Variants in FGF1 observed in about 807,000 individuals in gnomAD.
FGF1 encodes beta-endothelial cell growth factor.
FGF1 carries 9 observed loss-of-function variants against 13.4 expected under a neutral mutation model. That is an observed-to-expected ratio of 0.67 (90% confidence interval 0.40 to 1.17). The LOEUF is 1.17. FGF1 is among the 50% of genes most tolerant of loss of function. The pLI is 0.01. For missense variants in FGF1, 156 were observed against 192.7 expected (o/e 0.81, Z 1.13); for synonymous variants, 93 against 79.0 (o/e 1.18, Z -0.94).
At chr5:142,667,631 C>T (rs1398586242) in intron 1 of FGF1, among the ~76,000 whole-genome samples, 1 of 151,860 alleles carries the variant, frequency 6.6e-6, no homozygotes, top group East Asian at 1.9e-4. Context: ...GGAAAAATCG[C>T]CGGCTTTTAG....
At chr5:142,619,577 C>T (rs1443986387) in intron 1 of FGF1, among the ~76,000 whole-genome samples, 2 of 152,182 alleles carry the variant, frequency 1.3e-5, no homozygotes, top group African/African-American at 4.8e-5. Flanking sequence ...GTCCAAGCGG[C>T]AACTGGTAGG....
chr5:142,618,923 TG>T (rs59040394), intron 1 of FGF1, among the ~76,000 whole-genome samples: 5,165 of 109,536 alleles, frequency 0.047, 279 homozygotes, highest in Middle Eastern at 0.077. Context: ...ATTTTTTAGT[TG>T]TTTTGTTTTT....
chr5:142,667,352 C>T (rs568289645), intron 1 of FGF1, among the ~76,000 whole-genome samples: 8 of 150,840 alleles, frequency 5.3e-5, no homozygotes, highest in Middle Eastern at 3.5e-3. Flanking sequence ...TTTGGGAGGC[C>T]GAGGTGGGCG....
chr5:142,653,977 G>A (rs771525621), intron 1 of FGF1, among the ~76,000 whole-genome samples: 4 of 152,092 alleles, frequency 2.6e-5, no homozygotes, highest in South Asian at 2.1e-4. Context: ...CTGTAGTCCC[G>A]GCTACTCGGG....
chr5:142,611,063 G>T (rs911802363), intron 2 of FGF1, among the ~76,000 whole-genome samples: 5 of 152,192 alleles, frequency 3.3e-5, no homozygotes, highest in African/African-American at 1.2e-4. Context: ...GTCTTAACGT[G>T]TGACTCTGTC....
rs1343286807 is a variant in FGF1, at chr5:142,618,921, G to GTTTTTTTTTTTTTTTTT, written c.-34-4761_-34-4760insAAAAAAAAAAAAAAAAA. On this transcript the variant is annotated intron_variant, in intron 1 of 3. Coordinates refer to ENST00000337706, the MANE Select transcript of FGF1 (RefSeq NM_000800.5). ...GGCAAACACTGACATTTATTTTTTA[G>GTTTTTTTTTTTTTTTTT]TTGTTTTGTTTTTTTTTTTTTTTTT... 5.5e-5 allele frequency among the ~76,000 whole-genome samples: 6 copies of GTTTTTTTTTTTTTTTTT among 108,372 alleles called. 2 individuals are homozygous for GTTTTTTTTTTTTTTTTT. The highest frequency in any genetic ancestry group is 3.8e-4 in the East Asian group (1 of 2,662). 71.1% of individuals were successfully genotyped at this position (108,372 alleles called of 152,430 possible).
chr5:142,623,211 C>T (rs994745888), intron 1 of FGF1, among the ~76,000 whole-genome samples: 1 of 152,162 alleles, frequency 6.6e-6, no homozygotes, highest in African/African-American at 2.4e-5. Flanking sequence ...TCACAGTGCC[C>T]CAGTTTCCTC....
At chr5:142,689,132 T>C (rs1751728093), upstream of FGF1, among the ~76,000 whole-genome samples, 1 of 152,172 alleles carries the variant, frequency 6.6e-6, no homozygotes, top group African/African-American at 2.4e-5. Flanking sequence ...ATATTTGCCT[T>C]AAAAATTCCC....
chr5:142,678,321 A>C (rs1266387512), intron 1 of FGF1, among the ~76,000 whole-genome samples: 3 of 152,172 alleles, frequency 2.0e-5, no homozygotes. Flanking sequence ...TGGTAAAGGC[A>C]TGGCATTCGG....
chr5:142,606,460 C>CAA lies in FGF1; in HGVS notation c.170-5657_170-5656dup, dbSNP rs200473800. Among the ~76,000 whole-genome samples the CAA allele has an allele frequency of 3.0e-5, 4 of 134,134 alleles. No individual in the cohort carries two copies. The East Asian group carries it at 6.3e-4, about 21-fold the overall frequency. 88.0% of individuals were successfully genotyped at this position (134,134 alleles called of 152,430 possible). On this transcript the variant is annotated intron_variant, in intron 2 of 3. Coordinates refer to ENST00000337706, the MANE Select transcript of FGF1 (RefSeq NM_000800.5). ...TGAAACCCCGTCTCTACTAAAAATA[C>CAA]AAAAAAAAAAAAATTAGCCAGATGT...
intron 1 of FGF1, among the ~76,000 whole-genome samples, chr5:142,657,694 C>T (rs1768426282): frequency 1.3e-5 from 2 of 152,254 alleles, no homozygotes; most frequent in South Asian, 4.1e-4. Flanking sequence ...AGTGTCTGCC[C>T]AAGACTGGGT....
chr5:142,616,798 A>T (rs1760348755), intron 1 of FGF1, among the ~76,000 whole-genome samples: 1 of 152,212 alleles, frequency 6.6e-6, no homozygotes, highest in African/African-American at 2.4e-5. Context: ...CCTCTCTATT[A>T]GCACTCAACC....
intron 1 of FGF1, among the ~76,000 whole-genome samples, chr5:142,647,762 G>A (rs1201055121): frequency 6.6e-6 from 1 of 152,100 alleles, no homozygotes; most frequent in African/African-American, 2.4e-5. Context: ...TTCCACATGT[G>A]GCATCATGTC....
chr5:142,651,544 A>G (rs1767248991), intron 1 of FGF1, among the ~76,000 whole-genome samples: 1 of 152,080 alleles, frequency 6.6e-6, no homozygotes, highest in Admixed American at 6.5e-5. Flanking sequence ...CTTGTGTTAT[A>G]CCTTCTATGG....
chr5:142,661,142 C>A (rs192106331), intron 1 of FGF1, among the ~76,000 whole-genome samples: 1 of 152,362 alleles, frequency 6.6e-6, no homozygotes, highest in Admixed American at 6.5e-5. Context: ...ATTCATTCAA[C>A]AAATATTATT....
chr5:142,688,106 T>TAA (rs1597475182), upstream of FGF1, among the ~76,000 whole-genome samples: 1 of 151,252 alleles, frequency 6.6e-6, no homozygotes, highest in East Asian at 1.9e-4. Flanking sequence ...CACACACACA[T>TAA]ACACACACAG....
chr5:142,679,010 T>C (rs1281979728), intron 1 of FGF1, among the ~76,000 whole-genome samples: 2 of 152,116 alleles, frequency 1.3e-5, no homozygotes, highest in African/African-American at 2.4e-5. Flanking sequence ...CTGACGTCTC[T>C]CTCCAGGGCT....
At chr5:142,682,170 C>T (rs1773840615) in intron 1 of FGF1, among the ~76,000 whole-genome samples, 1 of 151,808 alleles carries the variant, frequency 6.6e-6, no homozygotes, top group South Asian at 2.1e-4. Flanking sequence ...GCTGCAAACT[C>T]TGCCTCCCAG....
intron 1 of FGF1, chr5:142,671,690 G>A (rs1771488423): frequency 6.6e-6 from 1 of 152,244 alleles, no homozygotes. Context: ...TGCAGAGTAG[G>A]ATGGGAGGGA....
Sources: allele counts gnomAD v4.1 joint callset (sites outside exome capture counted in the v4.1 genomes callset), GRCh38; gene constraint gnomAD v4.1.1; transcripts MANE v1.5; gene names NCBI Gene and HGNC (gene_info 2026-07-23, HGNC 2026-07-21).